Variants in SYCP1 observed in about 807,000 individuals in gnomAD.
SYCP1 encodes synaptonemal complex protein 1.
Under a neutral mutation model 153.1 loss-of-function variants are expected in SYCP1, and 64 were observed. That is an observed-to-expected ratio of 0.42 (90% confidence interval 0.34 to 0.51). The LOEUF (loss-of-function observed/expected upper bound fraction) is 0.51. SYCP1 is among the 20% of genes least tolerant of loss of function. The pLI, the probability that SYCP1 is intolerant of heterozygous loss-of-function variation, is 0.06. For missense variants in SYCP1, 997 were observed against 1,049.0 expected, an observed-to-expected ratio of 0.95 and a Z score of 0.68; for synonymous variants, 384 against 341.8, an observed-to-expected ratio of 1.12 and a Z score of -1.36.
intron 27 of SYCP1, among the ~76,000 whole-genome samples, chr1:114,974,336 C>T (rs1672679076): frequency 6.6e-6 from 1 of 151,876 alleles, no homozygotes; most frequent in Non-Finnish European, 1.5e-5. Flanking sequence ...TGTACTTTAA[C>T]TTTGTTATTG....
intron 20 of SYCP1, among the ~76,000 whole-genome samples, chr1:114,918,646 G>C (rs373469936): frequency 6.6e-6 from 1 of 151,712 alleles, no homozygotes; most frequent in African/African-American, 2.4e-5. Context: ...TCCTTTTTTT[G>C]TGTGTCCTCT....
intron 26 of SYCP1, among the ~76,000 whole-genome samples, chr1:114,946,947 T>C (rs1670748682): frequency 6.6e-6 from 1 of 152,154 alleles, no homozygotes; most frequent in Non-Finnish European, 1.5e-5. Flanking sequence ...GGTTTCACCA[T>C]GTTGGCCAGG....
At chr1:114,914,318 A>T (rs1009711040) in intron 20 of SYCP1, among the ~76,000 whole-genome samples, 2 of 151,898 alleles carry the variant, frequency 1.3e-5, no homozygotes, top group Non-Finnish European at 2.9e-5. Flanking sequence ...AAATATATTA[A>T]TCACATTTAA....
chr1:114,888,905 C>T (rs550957823), intron 15 of SYCP1, among the ~76,000 whole-genome samples: 4 of 150,980 alleles, frequency 2.6e-5, no homozygotes, highest in South Asian at 4.2e-4. Flanking sequence ...CTCCCTGTGT[C>T]CATGTGTTCT....
chr1:114,906,593 C>G (rs1171291823), intron 16 of SYCP1, among the ~76,000 whole-genome samples: 1 of 152,080 alleles, frequency 6.6e-6, no homozygotes, highest in Non-Finnish European at 1.5e-5. Context: ...TTAAATTTCT[C>G]TTGAGGGTTT....
At chr1:114,910,307 T>C (rs1433517053) in intron 16 of SYCP1, 90 bp from the exon 17 acceptor site, 2 of 829,606 alleles carry the variant, frequency 2.4e-6, no homozygotes, top group Non-Finnish European at 3.8e-6. Context: ...GGGAAGCTCA[T>C]AGTTCTTTCC....
chr1:114,989,769 A>G (rs1431199799), intron 30 of SYCP1, among the ~76,000 whole-genome samples: 1 of 152,016 alleles, frequency 6.6e-6, no homozygotes, highest in East Asian at 1.9e-4. Context: ...CACAAAGGAC[A>G]TTAATAATAA....
chr1:114,918,519 C>A (rs961429498), intron 20 of SYCP1, among the ~76,000 whole-genome samples: 2 of 151,958 alleles, frequency 1.3e-5, no homozygotes, highest in Admixed American at 1.3e-4. Flanking sequence ...TCTTCTATTT[C>A]TGTGAATAAT....
In SYCP1 at chr1:114,926,303, A is replaced by G; in HGVS notation, c.1826A>G (p.Glu609Gly). ...ENCNNLRKQV[E>G]NKNKYIEELQ... ...TGTAACAATTTAAGGAAACAAGTTG[A>G]AAATAAAAACAAGTATATTGAAGAA... The change falls in exon 22 of 32, where the codon GAA becomes GGA. Residue 609 changes from glutamate to glycine, a missense_variant. Physicochemically the swap from Glu to Gly is moderately conservative, Grantham distance 98 (BLOSUM62 -2). Coordinates refer to ENST00000369522, the MANE Select transcript of SYCP1 (RefSeq NM_003176.4). The G allele has an allele frequency of 6.5e-7, 1 of 1,534,278 alleles. No homozygotes were observed. Among genetic ancestry groups the G allele is most frequent in the South Asian group, 1.3e-5 (1 of 78,348 alleles).
At chr1:114,973,041 C>T (rs1013020494) in intron 27 of SYCP1, among the ~76,000 whole-genome samples, 3 of 151,974 alleles carry the variant, frequency 2.0e-5, no homozygotes, top group African/African-American at 7.2e-5. Flanking sequence ...TAGGATAAGC[C>T]GTGGTTATTT....
chr1:114,937,646 T>A (rs1041819284), intron 23 of SYCP1, among the ~76,000 whole-genome samples: 2 of 152,150 alleles, frequency 1.3e-5, no homozygotes, highest in Non-Finnish European at 2.9e-5. Context: ...AATCTACCCA[T>A]CTGACAAATG....
intron 15 of SYCP1, among the ~76,000 whole-genome samples, chr1:114,893,442 T>C (rs1352453005): frequency 1.3e-5 from 2 of 152,208 alleles, no homozygotes; most frequent in Non-Finnish European, 2.9e-5. Context: ...AATCTTTAAA[T>C]ATGTCTGTTT....
intron 20 of SYCP1, among the ~76,000 whole-genome samples, chr1:114,919,963 G>C (rs960640360): frequency 1.3e-5 from 2 of 151,384 alleles, no homozygotes; most frequent in African/African-American, 2.4e-5. Flanking sequence ...TTGTTTTGTT[G>C]ATGTTTTGTA....
At chr1:114,882,052 C>T (rs1241677307) in intron 12 of SYCP1, among the ~76,000 whole-genome samples, 1 of 151,870 alleles carries the variant, frequency 6.6e-6, no homozygotes, top group Admixed American at 6.6e-5. Flanking sequence ...AAGAAAAAAA[C>T]GTGGAAAAAA....
intron 4 of SYCP1, 32 bp downstream of exon 4, chr1:114,857,307 C>T: frequency 6.3e-7 from 1 of 1,589,920 alleles, no homozygotes; most frequent in Non-Finnish European, 8.6e-7. Context: ...TAGATATAAT[C>T]TGTTTAGGTA....
intron 15 of SYCP1, among the ~76,000 whole-genome samples, chr1:114,890,579 T>G (rs1015078918): frequency 5.3e-5 from 8 of 152,142 alleles, no homozygotes; most frequent in African/African-American, 1.7e-4. Context: ...AAGGTAGATT[T>G]AAATTTAAAA....
chr1:114,855,306 T>G, intron 1 of SYCP1, 135 bp from the exon 2 acceptor site: 1 of 481,954 alleles, frequency 2.1e-6, no homozygotes, highest in East Asian at 3.6e-5. Flanking sequence ...AGGGCTCCAC[T>G]GTAGCGAGAG....
chr1:114,950,648 T>C (rs1461118070), intron 27 of SYCP1, among the ~76,000 whole-genome samples: 2 of 152,104 alleles, frequency 1.3e-5, no homozygotes, highest in African/African-American at 4.8e-5. Context: ...ATACTATTGT[T>C]ACTTTTTTGA....
intron 23 of SYCP1, among the ~76,000 whole-genome samples, chr1:114,938,366 G>A (rs1670164245): frequency 6.7e-6 from 1 of 150,212 alleles, no homozygotes; most frequent in Non-Finnish European, 1.5e-5. Context: ...CTTGGACACA[G>A]GGTGGGGAAC....
Sources: allele counts gnomAD v4.1 joint callset (sites outside exome capture counted in the v4.1 genomes callset), GRCh38; gene constraint gnomAD v4.1.1; transcripts MANE v1.5; gene names NCBI Gene and HGNC (gene_info 2026-07-23, HGNC 2026-07-21).